AGBL4: variants seen among roughly 807,000 people sequenced by gnomAD.
AGBL4 encodes the protein cytosolic carboxypeptidase 6.
A neutral mutation model predicts 66.4 loss-of-function variants in AGBL4; 58 were observed. The ratio of observed to expected loss-of-function variants is 0.87; its 90% CI spans 0.71 to 1.09. AGBL4 has a LOEUF of 1.09. Among genes scored for constraint, AGBL4 ranks in the 50% least tolerant of loss-of-function variants. The pLI is 0.00. For missense variants in AGBL4, 579 were observed against 631.0 expected, an observed-to-expected ratio of 0.92 and a Z score of 0.88; for synonymous variants, 234 against 222.9, an observed-to-expected ratio of 1.05 and a Z score of -0.44.
At chr1:49,647,106 T>G (rs1249594370) in intron 3 of AGBL4, among the ~76,000 whole-genome samples, 1 of 151,968 alleles carries the variant, frequency 6.6e-6, no homozygotes, top group East Asian at 1.9e-4. Context: ...CTATTCTACC[T>G]TGGGCTAGAC....
At chr1:49,622,795 T>C (rs1645393106) in intron 3 of AGBL4, among the ~76,000 whole-genome samples, 2 of 152,188 alleles carry the variant, frequency 1.3e-5, no homozygotes, top group Admixed American at 6.5e-5. Flanking sequence ...TTGTTATGAT[T>C]ATCTTCAATT....
intron 1 of AGBL4, among the ~76,000 whole-genome samples, chr1:50,020,670 C>A (rs897553860): frequency 2.6e-5 from 4 of 152,160 alleles, no homozygotes; most frequent in African/African-American, 9.7e-5. Context: ...GTCAAAAAAA[C>A]TAATCTTCTA....
chr1:48,659,420 G>T (rs931862194), intron 7 of AGBL4, among the ~76,000 whole-genome samples: 1 of 152,186 alleles, frequency 6.6e-6, no homozygotes, highest in Non-Finnish European at 1.5e-5. Flanking sequence ...AGCATGGCAT[G>T]GCTCCCCACA....
At chr1:48,918,333 C>T (rs923891545) in intron 5 of AGBL4, among the ~76,000 whole-genome samples, 3 of 152,180 alleles carry the variant, frequency 2.0e-5, no homozygotes, top group African/African-American at 7.2e-5. Context: ...TCTCCTATGA[C>T]AATGTTGAGA....
intron 2 of AGBL4, among the ~76,000 whole-genome samples, chr1:49,724,815 CAAG>C (rs1039798583): frequency 2.0e-5 from 3 of 152,018 alleles, no homozygotes; most frequent in Admixed American, 6.6e-5. Context: ...GAGGACGTGG[CAAG>C]AAGAAGGTCA....
intron 3 of AGBL4, among the ~76,000 whole-genome samples, chr1:49,463,956 A>G (rs1299102164): frequency 6.6e-6 from 1 of 151,778 alleles, no homozygotes; most frequent in African/African-American, 2.4e-5. Flanking sequence ...TCTTATTTCC[A>G]GCATCTGGTA....
At chr1:49,534,047 A>G (rs1651362650) in intron 3 of AGBL4, among the ~76,000 whole-genome samples, 1 of 152,092 alleles carries the variant, frequency 6.6e-6, no homozygotes, top group African/African-American at 2.4e-5. Context: ...CTTTCTAAGT[A>G]TAACCACCAA....
chr1:48,756,412 A>G (rs997508655), intron 6 of AGBL4, among the ~76,000 whole-genome samples: 11 of 152,264 alleles, frequency 7.2e-5, no homozygotes, highest in African/African-American at 2.6e-4. Context: ...TGTTCCCCTC[A>G]TCAAACTTTA....
At chr1:48,621,448 T>A (rs1465612527) in intron 9 of AGBL4, among the ~76,000 whole-genome samples, 2 of 152,142 alleles carry the variant, frequency 1.3e-5, no homozygotes, top group African/African-American at 2.4e-5. Context: ...CTAGGTCCCC[T>A]CCTCCTTCCA....
At chr1:49,835,419 G>T (rs1645820615) in intron 2 of AGBL4, among the ~76,000 whole-genome samples, 1 of 151,896 alleles carries the variant, frequency 6.6e-6, no homozygotes, top group Non-Finnish European at 1.5e-5. Flanking sequence ...CTATCCATTT[G>T]CTTGGTAAAT....
At chr1:49,626,545 T>C (rs1302654443) in intron 3 of AGBL4, among the ~76,000 whole-genome samples, 2 of 152,162 alleles carry the variant, frequency 1.3e-5, no homozygotes. Context: ...TCTATGCTGT[T>C]GAGAAAATAT....
intron 2 of AGBL4, among the ~76,000 whole-genome samples, chr1:49,725,698 T>TTTG (rs1648973541): frequency 6.7e-6 from 1 of 148,286 alleles, no homozygotes; most frequent in African/African-American, 2.5e-5. Context: ...TTTTTTTTTT[T>TTTG]TTTTTGAGAT....
intron 3 of AGBL4, among the ~76,000 whole-genome samples, chr1:49,565,859 T>A (rs568998333): frequency 1.3e-5 from 2 of 152,364 alleles, no homozygotes; most frequent in South Asian, 4.1e-4. Flanking sequence ...CCTTGCTACA[T>A]TGGGGAAGTT....
chr1:49,667,166 A>AT (rs1646387567), intron 3 of AGBL4, among the ~76,000 whole-genome samples: 1 of 152,150 alleles, frequency 6.6e-6, no homozygotes, highest in Non-Finnish European at 1.5e-5. Flanking sequence ...GTCTACATAT[A>AT]TTAATATGTA....
chr1:49,336,180 C>A (rs1207632340), intron 3 of AGBL4, among the ~76,000 whole-genome samples: 5 of 152,090 alleles, frequency 3.3e-5, no homozygotes, highest in Admixed American at 3.3e-4. Context: ...AAGTTCCAGT[C>A]TGACTTTGAT....
At chr1:49,917,445 TA>T (rs1651667852) in intron 1 of AGBL4, among the ~76,000 whole-genome samples, 1 of 152,042 alleles carries the variant, frequency 6.6e-6, no homozygotes, top group African/African-American at 2.4e-5. Flanking sequence ...TACTGTCCGA[TA>T]AAACAGACTT....
chr1:49,177,055 C>A (rs555468608), intron 4 of AGBL4, among the ~76,000 whole-genome samples: 18 of 152,222 alleles, frequency 1.2e-4, no homozygotes, highest in African/African-American at 4.1e-4. Flanking sequence ...CCCATCCAAA[C>A]AATCTGGCCA....
intron 6 of AGBL4, among the ~76,000 whole-genome samples, chr1:48,756,615 G>T (rs1448013868): frequency 6.6e-6 from 1 of 152,208 alleles, no homozygotes; most frequent in Non-Finnish European, 1.5e-5. Flanking sequence ...GGGAAGTTGG[G>T]ATTTGAATCC....
chr1:49,697,300 C>A lies in AGBL4; in HGVS notation c.282+13G>T, dbSNP rs1309251494. 6.5e-7 allele frequency: 1 copy of A among 1,542,912 alleles called. No individual in the cohort carries two copies. Among genetic ancestry groups the A allele is most frequent in the Admixed American group, 2.0e-5 (1 of 50,878 alleles). Reference sequence around the variant, plus strand: ...ACCAAAACCACTCTGAAGGTATCCACTATTTCCCTCACCTGTGATTCTTTC... The same window carrying A: ...ACCAAAACCACTCTGAAGGTATCCAATATTTCCCTCACCTGTGATTCTTTC... On this transcript the variant is annotated intron_variant, in intron 3 of 13. Transcript: ENST00000371839.
Sources: allele counts gnomAD v4.1 joint callset (sites outside exome capture counted in the v4.1 genomes callset), GRCh38; gene constraint gnomAD v4.1.1; transcripts MANE v1.5; gene names NCBI Gene and HGNC (gene_info 2026-07-23, HGNC 2026-07-21).